The following AK7 variants were observed in gnomAD, a reference collection of about 807,000 sequenced individuals.
AK7 encodes the protein adenylate kinase 7, also known as ATP-AMP transphosphorylase 7.
AK7 carries 78 observed loss-of-function variants against 96.6 expected under a neutral mutation model. That is an observed-to-expected ratio of 0.81 (90% CI 0.67 to 0.97). The LOEUF is 0.97. Ranked by LOEUF, AK7 falls within the 50% of genes least tolerant of loss-of-function variation. The probability of loss-of-function intolerance (pLI) is 0.00; values close to 1 mark genes in which losing one functional copy is unlikely to be tolerated. For synonymous variants in AK7, 302 were observed against 317.2 expected (o/e 0.95, Z 0.51); for missense variants, 855 against 887.9 (o/e 0.96, Z 0.47).
At chr14:96,450,454 A>G (rs1474159452) in intron 9 of AK7, among the ~76,000 whole-genome samples, 1 of 151,668 alleles carries the variant, frequency 6.6e-6, no homozygotes, top group Admixed American at 6.6e-5. Context: ...AAGAAACAAA[A>G]CAAAATGTAT....
At chr14:96,487,142 A>G in intron 17 of AK7, 86 bp downstream of exon 17, 1 of 1,410,554 alleles carries the variant, frequency 7.1e-7, no homozygotes, top group Non-Finnish European at 9.8e-7. Context: ...TGGGAGGCCA[A>G]GGTCAGGGGA....
At chr14:96,407,345 G>A (rs1667565101) in intron 3 of AK7, among the ~76,000 whole-genome samples, 2 of 152,092 alleles carry the variant, frequency 1.3e-5, no homozygotes, top group Admixed American at 6.6e-5. Flanking sequence ...GTAACACAAA[G>A]TTTGGAATAA....
intron 8 of AK7, among the ~76,000 whole-genome samples, chr14:96,446,991 C>T (rs987365441): frequency 2.0e-5 from 3 of 151,972 alleles, no homozygotes; most frequent in Non-Finnish European, 1.5e-5. Context: ...AAAGTTTTGC[C>T]CCCAATCAGT....
chr14:96,426,883 G>A (rs1443505987), intron 5 of AK7, among the ~76,000 whole-genome samples: 1 of 152,082 alleles, frequency 6.6e-6, no homozygotes. Context: ...ATGCCTATAG[G>A]TTGTCTTGTG....
chr14:96,415,378 C>T (rs770854778), intron 4 of AK7, among the ~76,000 whole-genome samples: 3 of 152,034 alleles, frequency 2.0e-5, no homozygotes, highest in Non-Finnish European at 2.9e-5. Context: ...GTGCCTGAGG[C>T]GATGGTGACC....
At chr14:96,447,937 C>T (rs1272325520) in intron 8 of AK7, among the ~76,000 whole-genome samples, 2 of 151,814 alleles carry the variant, frequency 1.3e-5, no homozygotes, top group African/African-American at 4.8e-5. Flanking sequence ...CAAGCCTGGG[C>T]AACATGGTGA....
chr14:96,481,031 C>T (rs1161684102), intron 15 of AK7, among the ~76,000 whole-genome samples: 32 of 152,164 alleles, frequency 2.1e-4, no homozygotes, highest in Non-Finnish European at 4.4e-5. Context: ...AGTGTACTCT[C>T]CCCCTCTGTG....
intron 5 of AK7, among the ~76,000 whole-genome samples, chr14:96,424,826 T>C (rs1891928895): frequency 6.6e-6 from 1 of 152,186 alleles, no homozygotes; most frequent in Admixed American, 6.5e-5. Flanking sequence ...TCCATAACTA[T>C]GTTATTTTAT....
At chr14:96,452,582 TCC>T (rs1278533186) in intron 10 of AK7, among the ~76,000 whole-genome samples, 3 of 152,220 alleles carry the variant, frequency 2.0e-5, no homozygotes, top group Non-Finnish European at 4.4e-5. Context: ...TGCGTTGGCC[TCC>T]CAAAGTGCTG....
intron 4 of AK7, among the ~76,000 whole-genome samples, chr14:96,414,641 G>A (rs922243723): frequency 6.6e-6 from 1 of 152,184 alleles, no homozygotes; most frequent in Non-Finnish European, 1.5e-5. Flanking sequence ...GCAGGGCCTG[G>A]GGAAGGTGTG....
chr14:96,447,714 T>G (rs1385956294), intron 8 of AK7, among the ~76,000 whole-genome samples: 1 of 149,610 alleles, frequency 6.7e-6, no homozygotes, highest in African/African-American at 2.4e-5. Flanking sequence ...AACCTCAAAC[T>G]CCTGGGCTCA....
At chr14:96,402,103 G>A (rs1393696212) in intron 2 of AK7, among the ~76,000 whole-genome samples, 4 of 151,896 alleles carry the variant, frequency 2.6e-5, no homozygotes. Flanking sequence ...GGCTTCATAT[G>A]TGCTTGGTTG....
intron 7 of AK7, among the ~76,000 whole-genome samples, chr14:96,445,855 T>C (rs907830214): frequency 6.6e-6 from 1 of 152,232 alleles, no homozygotes; most frequent in African/African-American, 2.4e-5. Flanking sequence ...ATTTAATTTT[T>C]GTTCCAATCC....
At chr14:96,459,315 G>T (rs1193529814) in intron 12 of AK7, among the ~76,000 whole-genome samples, 1 of 151,820 alleles carries the variant, frequency 6.6e-6, no homozygotes, top group Non-Finnish European at 1.5e-5. Context: ...TCCAGTCTGA[G>T]TGACAGAGCA....
intron 12 of AK7, among the ~76,000 whole-genome samples, chr14:96,461,774 C>T (rs1480687877): frequency 4.6e-5 from 7 of 151,960 alleles, no homozygotes; most frequent in African/African-American, 1.5e-4. Context: ...TTAGTAGAGA[C>T]GGGGTTTCGC....
chr14:96,452,113 A>G (rs1215616454), intron 10 of AK7, among the ~76,000 whole-genome samples: 1 of 152,180 alleles, frequency 6.6e-6, no homozygotes, highest in African/African-American at 2.4e-5. Context: ...TTCTTTTTTA[A>G]AAAAGTAATT....
At chr14:96,439,663 CA>C (rs58424748) in intron 6 of AK7, among the ~76,000 whole-genome samples, 68,691 of 109,546 alleles carry the variant, frequency 0.63, 20,168 homozygotes, top group African/African-American at 0.81. Flanking sequence ...GACTCCATCT[CA>C]AAAAAAAAAA....
intron 6 of AK7, among the ~76,000 whole-genome samples, chr14:96,440,661 T>G (rs148529769): frequency 3.3e-5 from 5 of 152,298 alleles, no homozygotes; most frequent in Non-Finnish European, 7.4e-5. Flanking sequence ...ACCAGCTACA[T>G]GATCAGAATC....
intron 1 of AK7, 46 bp from the exon 2 acceptor site, chr14:96,398,029 A>T (rs368518247): frequency 1.2e-5 from 19 of 1,578,544 alleles, no homozygotes; most frequent in Non-Finnish European, 1.6e-5. Context: ...TGGCCCCCTG[A>T]CTCTAATTTT....
Sources: gnomAD v4.1 joint callset for allele counts (sites outside exome capture counted in the v4.1 genomes callset) on GRCh38, gnomAD v4.1.1 for gene constraint, MANE v1.5 for transcripts, NCBI Gene and HGNC (gene_info 2026-07-23, HGNC 2026-07-21) for gene names.